Variants in EYA3 observed in about 807,000 individuals in gnomAD.
EYA3 encodes the protein EYA transcriptional coactivator and phosphatase 3, also known as protein phosphatase EYA3.
EYA3 carries 39 observed loss-of-function variants against 80.0 expected under a neutral mutation model. The observed-to-expected ratio is 0.49, with a 90% CI of 0.38 to 0.64. The LOEUF (loss-of-function observed/expected upper bound fraction) is 0.64. Ranked by LOEUF, EYA3 falls within the 30% of genes least tolerant of loss-of-function variation. The pLI is 0.00. For missense variants in EYA3, 523 were observed against 676.1 expected (o/e 0.77, Z 2.51); for synonymous variants, 206 against 232.8 (o/e 0.88, Z 1.05).
chr1:28,044,630 A>C (rs897532392), intron 3 of EYA3, among the ~76,000 whole-genome samples: 5 of 152,212 alleles, frequency 3.3e-5, no homozygotes, highest in African/African-American at 1.2e-4. Context: ...CTACACAGCA[A>C]AATTGTAAAA....
chr1:28,006,934 C>CTTTTTTTTTTTT (rs58401673), intron 10 of EYA3, among the ~76,000 whole-genome samples: 1 of 92,000 alleles, frequency 1.1e-5, no homozygotes, highest in Non-Finnish European at 2.0e-5. Flanking sequence ...ATGACATAAT[C>CTTTTTTTTTTTT]TTTTTTTTTT....
chr1:28,034,085 AAAT>A lies in EYA3; in HGVS notation c.361+1456_361+1458del, dbSNP rs374562689. ...GTGCACACAGCGAGACTCTGTCTCAAAATAATAATAATAATAGTTTAAGGGAAA... is the reference window on the plus strand; with the variant it reads ...GTGCACACAGCGAGACTCTGTCTCAAAATAATAATAATAGTTTAAGGGAAA... On this transcript the variant is annotated intron_variant, in intron 6 of 17. Transcript: ENST00000373871. 3.0e-3 allele frequency among the ~76,000 whole-genome samples: 455 copies of A among 151,866 alleles called. 1 individual carries two copies. The highest frequency in any genetic ancestry group is 0.01 in the African/African-American group (420 of 41,480).
chr1:28,065,612 T>C (rs1232199176), intron 1 of EYA3, among the ~76,000 whole-genome samples: 1 of 152,064 alleles, frequency 6.6e-6, no homozygotes, highest in Non-Finnish European at 1.5e-5. Context: ...TTTCCTTATT[T>C]AGTGGAGAAC....
chr1:28,040,734 G>A (rs1001435863), intron 4 of EYA3, among the ~76,000 whole-genome samples: 3 of 152,062 alleles, frequency 2.0e-5, no homozygotes, highest in Non-Finnish European at 2.9e-5. Context: ...TTGAGAGGCT[G>A]GAAAAGTGAA....
intron 2 of EYA3, among the ~76,000 whole-genome samples, chr1:28,055,824 G>A (rs1410091509): frequency 6.6e-6 from 1 of 152,028 alleles, no homozygotes; most frequent in African/African-American, 2.4e-5. Context: ...AATAAGAGAA[G>A]GGATAATTCA....
intron 13 of EYA3, among the ~76,000 whole-genome samples, chr1:27,995,543 T>A (rs1640393378): frequency 6.7e-6 from 1 of 148,664 alleles, no homozygotes. Context: ...TCGAGACAAG[T>A]GTGGGCAACA....
intron 4 of EYA3, 45 bp from the exon 5 acceptor site, chr1:28,038,950 C>A: frequency 7.5e-7 from 1 of 1,341,630 alleles, no homozygotes; most frequent in Non-Finnish European, 1.1e-6. Flanking sequence ...TAGAACATTT[C>A]GAAAATGGAA....
chr1:27,981,059 AC>A (rs1639268912), intron 16 of EYA3, among the ~76,000 whole-genome samples: 4 of 152,196 alleles, frequency 2.6e-5, no homozygotes, highest in Admixed American at 2.6e-4. Flanking sequence ...ACCCCCCAAA[AC>A]AAAAAAAACT....
chr1:28,016,532 TAAAA>T (rs11318124), intron 8 of EYA3, among the ~76,000 whole-genome samples: 2 of 113,952 alleles, frequency 1.8e-5, no homozygotes, highest in Non-Finnish European at 1.8e-5. Flanking sequence ...GACTCCATCT[TAAAA>T]AAAAAAAAAA....
intron 1 of EYA3, among the ~76,000 whole-genome samples, chr1:28,086,843 G>C (rs1296897083): frequency 6.6e-6 from 1 of 152,204 alleles, no homozygotes; most frequent in African/African-American, 2.4e-5. Context: ...AGTTAGATAA[G>C]TCCTGAAAGC....
chr1:28,078,304 A>G (rs2148948614), intron 1 of EYA3, among the ~76,000 whole-genome samples: 1 of 151,982 alleles, frequency 6.6e-6, no homozygotes, highest in South Asian at 2.1e-4. Context: ...TAAATCCAAC[A>G]CGCTACACAA....
chr1:27,975,001 TTGATA>T (rs1638865482), intron 17 of EYA3, among the ~76,000 whole-genome samples: 1 of 152,160 alleles, frequency 6.6e-6, no homozygotes. Flanking sequence ...AAATTAGTAT[TTGATA>T]TAAGATTATA....
At chr1:27,996,839 G>T (rs190153592) in intron 13 of EYA3, among the ~76,000 whole-genome samples, 1 of 152,224 alleles carries the variant, frequency 6.6e-6, no homozygotes, top group Non-Finnish European at 1.5e-5. Context: ...GCCTGAGCAA[G>T]CATTTTGCCA....
At chr1:28,033,921 G>A (rs1439213063) in intron 6 of EYA3, among the ~76,000 whole-genome samples, 2 of 151,408 alleles carry the variant, frequency 1.3e-5, no homozygotes, top group African/African-American at 2.4e-5. Context: ...GGGGCCGGGC[G>A]TGGTGGCTCA....
chr1:28,058,003 TG>T lies in EYA3; in HGVS notation c.23del (p.Pro8GlnfsTer5). The T allele has an allele frequency of 6.3e-7, 1 of 1,587,124 alleles. No individual in the cohort carries two copies. The highest frequency in any genetic ancestry group is 8.6e-7 in the Non-Finnish European group (1 of 1,162,210). MEEEQDLPEQPVKKAKMQ... is the reference protein window; with the variant it reads MEEEQDLXEQPVKKAKMQ... ...TAAAGGAAATACTTACTGGTTGCTC[TG>T]GTAAATCTTGCTCTTCTTCCATGAG... On this transcript the variant is annotated frameshift_variant, in exon 2 of 18. Coordinates refer to ENST00000373871, the MANE Select transcript of EYA3 (RefSeq NM_001990.4). LOFTEE classifies it high-confidence loss of function.
chr1:28,051,941 A>G (rs1169477682), intron 2 of EYA3, among the ~76,000 whole-genome samples: 4 of 148,580 alleles, frequency 2.7e-5, no homozygotes, highest in Non-Finnish European at 4.5e-5. Context: ...AGTGACCCAG[A>G]ATAGCTAAAA....
chr1:27,976,906 C>T lies in EYA3; in HGVS notation c.1641+1468G>A, dbSNP rs553445970. On this transcript the variant is annotated intron_variant, in intron 17 of 17. Transcript: ENST00000373871. ...CTAATTTTTATATTTTTAGTAGAGA[C>T]GGGATTTCACCATGTTGGCCAGGCT... The T allele has an allele frequency of 5.7e-4, 238 of 417,868 alleles. 2 individuals are homozygous for T. The highest frequency in any genetic ancestry group is 5.0e-3 in the African/African-American group (230 of 46,298). The allele number at this position is 417,868 out of a possible 1,614,324, so 25.9% of individuals were successfully genotyped here. A position where few individuals can be genotyped will look rare whatever the true frequency, so the allele number is the denominator to read the frequency against.
intron 10 of EYA3, among the ~76,000 whole-genome samples, chr1:28,007,041 A>C (rs1641334868): frequency 6.7e-6 from 1 of 149,106 alleles, no homozygotes; most frequent in Admixed American, 6.7e-5. Flanking sequence ...CCTAGGTTCA[A>C]GCGATTCTCC....
In EYA3 at chr1:28,011,064, AG is replaced by A. The variant is rs1641661301; in HGVS notation, c.791del (p.Ser264PhefsTer19). ...CTTTACTTGGTGTAGTCTGGGACAA[AG>A]ATGGACTTGTAGAAGGGTCTCCTGG... is the stretch of plus-strand genomic sequence containing the variant. ...LSSGDPSTSP[S>X]LSQTTPSKDT... is the part of the protein sequence containing the mutation. On this transcript the variant is annotated frameshift_variant, in exon 10 of 18. Coordinates refer to ENST00000373871, the MANE Select transcript of EYA3 (RefSeq NM_001990.4). LOFTEE classifies it high-confidence loss of function. The A allele has an allele frequency of 6.2e-7, 1 of 1,613,270 alleles. No homozygotes were observed. Among genetic ancestry groups the A allele is most frequent in the African/African-American group, 1.3e-5 (1 of 74,848 alleles).
Sources: allele counts gnomAD v4.1 joint callset (sites outside exome capture counted in the v4.1 genomes callset), GRCh38; gene constraint gnomAD v4.1.1; transcripts MANE v1.5; gene names NCBI Gene and HGNC (gene_info 2026-07-23, HGNC 2026-07-21).